Variants in NALCN observed in about 807,000 individuals in gnomAD.
NALCN encodes the protein sodium leak channel, non-selective.
Under a neutral mutation model 225.3 loss-of-function variants are expected in NALCN, and 111 were observed. The ratio of observed to expected loss-of-function variants is 0.49; its 90% CI spans 0.42 to 0.58. The LOEUF is 0.58. NALCN is among the 20% of genes least tolerant of loss of function. The pLI is 0.00. For missense variants in NALCN, 1,378 were observed against 2,202.4 expected (o/e 0.63, Z 7.49); for synonymous variants, 764 against 769.0 (o/e 0.99, Z 0.11).
intron 15 of NALCN, among the ~76,000 whole-genome samples, chr13:101,165,765 C>T (rs1023528398): frequency 3.3e-5 from 5 of 152,220 alleles, no homozygotes; most frequent in Admixed American, 3.3e-4. Flanking sequence ...CGTGAGCCAC[C>T]ACGCCTAGCC....
intron 42 of NALCN, chr13:101,058,437 T>TACGAC: frequency 6.6e-6 from 1 of 152,412 alleles, no homozygotes; most frequent in Non-Finnish European, 1.4e-5. Flanking sequence ...CAGTCTACTG[T>TACGAC]CACCAGCCTG....
chr13:101,249,802 T>A (rs989880666), intron 11 of NALCN, among the ~76,000 whole-genome samples: 2 of 152,032 alleles, frequency 1.3e-5, no homozygotes, highest in African/African-American at 4.8e-5. Flanking sequence ...AATGATGAAA[T>A]CATAAGCATT....
intron 14 of NALCN, chr13:101,181,327 A>G: frequency 1.9e-6 from 1 of 518,982 alleles, no homozygotes; most frequent in Non-Finnish European, 3.8e-6. Context: ...GTCACGGATA[A>G]GAGAGGGAGG....
chr13:101,230,109 TAAAC>T (rs1196928783), intron 12 of NALCN, among the ~76,000 whole-genome samples: 1 of 152,178 alleles, frequency 6.6e-6, no homozygotes, highest in African/African-American at 2.4e-5. Context: ...TTATAAAACA[TAAAC>T]AATTTTTGTG....
intron 16 of NALCN, 94 bp downstream of exon 16, chr13:101,144,666 C>T: frequency 7.8e-7 from 1 of 1,282,972 alleles, no homozygotes; most frequent in Non-Finnish European, 1.1e-6. Context: ...GAAACCCAAC[C>T]CACATATACT....
At chr13:101,298,610 T>C (rs1443957242) in intron 7 of NALCN, among the ~76,000 whole-genome samples, 1 of 152,288 alleles carries the variant, frequency 6.6e-6, no homozygotes, top group South Asian at 2.1e-4. Context: ...CATAGGGCAA[T>C]ATTCTTATTA....
Position 101,320,341 on chromosome 13 carries a change from T to C in NALCN, c.799+24925A>G, listed in dbSNP as rs368304258. ...TAAGCTAGAAAACCTCTGGTTGTCA[T>C]TTTAAGCTGGATTTTAGATTAAGGT... is the stretch of plus-strand genomic sequence containing the variant. On this transcript the variant is annotated intron_variant, in intron 7 of 43. Coordinates refer to ENST00000251127, the MANE Select transcript of NALCN (RefSeq NM_052867.4). Among the ~76,000 whole-genome samples the C allele has an allele frequency of 5.6e-3, 848 of 152,332 alleles. 12 individuals carry two copies. The highest frequency in any genetic ancestry group is 0.019 in the African/African-American group (799 of 41,584).
At chr13:101,210,372 T>A (rs1237185114) in intron 13 of NALCN, among the ~76,000 whole-genome samples, 4 of 152,188 alleles carry the variant, frequency 2.6e-5, no homozygotes, top group African/African-American at 9.7e-5. Context: ...GGGTGTTACA[T>A]CCAAGAAGGG....
At chr13:101,122,178 G>A (rs2036010633) in intron 18 of NALCN, among the ~76,000 whole-genome samples, 3 of 152,094 alleles carry the variant, frequency 2.0e-5, no homozygotes, top group South Asian at 2.1e-4. Context: ...CAAAATATCA[G>A]TTTGATTTTT....
intron 10 of NALCN, among the ~76,000 whole-genome samples, chr13:101,264,771 G>A (rs1433204105): frequency 6.6e-6 from 1 of 152,142 alleles, no homozygotes; most frequent in Non-Finnish European, 1.5e-5. Flanking sequence ...AATGTAATAT[G>A]TTGGACTACA....
chr13:101,390,580 A>G (rs1027171387), intron 3 of NALCN, among the ~76,000 whole-genome samples: 1 of 152,178 alleles, frequency 6.6e-6, no homozygotes, highest in African/African-American at 2.4e-5. Context: ...ACAAAAAGAT[A>G]ACATACATTC....
chr13:101,206,217 G>A (rs2040306025), intron 13 of NALCN, among the ~76,000 whole-genome samples: 1 of 151,774 alleles, frequency 6.6e-6, no homozygotes, highest in South Asian at 2.1e-4. Flanking sequence ...CTCCCTCCCT[G>A]TATCTTTCTC....
rs1198648713 is a variant in NALCN, at chr13:101,073,677, C to G, written c.4104G>C (p.Arg1368Ser). ...TTCCAGCCGAAGAAAAATTTGCATG[C>G]CTAATTTAAGAAAAAAAAATTAACA... ...GTVKYGENIN[R>S]HANFSSAGKA... The change falls in exon 37 of 44, where the codon AGG (arginine) becomes AGC (serine). Residue 1368 changes from arginine to serine, a missense_variant and splice_region_variant. Physicochemically the swap from Arg to Ser is moderately radical, Grantham distance 110. This residue lies in a region of NALCN where 76 missense variants were observed against 118.7 expected (regional missense o/e 0.64). Transcript: ENST00000251127. The G allele has an allele frequency of 1.2e-6, 2 of 1,610,224 alleles. No homozygotes were observed. The highest frequency in any genetic ancestry group is 1.7e-6 in the Non-Finnish European group (2 of 1,178,594).
chr13:101,180,371 A>AC (rs1294297903), intron 14 of NALCN: 50 of 134,556 alleles, frequency 3.7e-4, no homozygotes, highest in African/African-American at 1.3e-3. Flanking sequence ...ATGCCTGGCT[A>AC]CTTTTTTTTT....
At chr13:101,108,388 T>G (rs573000576) in intron 20 of NALCN, among the ~76,000 whole-genome samples, 4 of 152,174 alleles carry the variant, frequency 2.6e-5, no homozygotes, top group Non-Finnish European at 5.9e-5. Context: ...TAGGATGTTC[T>G]AGTCAGTGGG....
Position 101,177,859 on chromosome 13 carries a change from C to G in NALCN, c.1765-1485G>C, listed in dbSNP as rs149109346. Among the ~76,000 whole-genome samples the G allele has an allele frequency of 7.9e-3, 1,205 of 152,260 alleles. 14 individuals are homozygous for G. The highest frequency in any genetic ancestry group is 0.05 in the South Asian group (243 of 4,824). On this transcript the variant is annotated intron_variant, in intron 14 of 43. Coordinates refer to ENST00000251127, the MANE Select transcript of NALCN (RefSeq NM_052867.4). ...TTATTATGCAGAAGTTAATGGCTAGCTCTTTTTCAATTTTAATGAGTATAT... is the reference window on the plus strand; with the variant it reads ...TTATTATGCAGAAGTTAATGGCTAGGTCTTTTTCAATTTTAATGAGTATAT...
intron 10 of NALCN, among the ~76,000 whole-genome samples, chr13:101,277,494 C>T (rs2043006195): frequency 6.6e-6 from 1 of 152,022 alleles, no homozygotes; most frequent in African/African-American, 2.4e-5. Context: ...GTGAGTCACC[C>T]AACCAAGTGC....
intron 1 of NALCN, among the ~76,000 whole-genome samples, 154 bp from the exon 2 acceptor site, chr13:101,399,319 G>A (rs2047401437): frequency 6.6e-6 from 1 of 152,198 alleles, no homozygotes; most frequent in Non-Finnish European, 1.5e-5. Flanking sequence ...TTAAAAGGAT[G>A]AGATAAATTA....
intron 6 of NALCN, among the ~76,000 whole-genome samples, chr13:101,360,646 A>T (rs1417910546): frequency 6.6e-6 from 1 of 152,070 alleles, no homozygotes; most frequent in African/African-American, 2.4e-5. Flanking sequence ...GCCCCTGACG[A>T]CTCCAACCAC....
Sources: allele counts gnomAD v4.1 joint callset (sites outside exome capture counted in the v4.1 genomes callset), GRCh38; gene constraint gnomAD v4.1.1; regional missense constraint gnomAD v4.1.1; transcripts MANE v1.5; gene names NCBI Gene and HGNC (gene_info 2026-07-23, HGNC 2026-07-21).